Variants in SDCBP observed in about 807,000 individuals in gnomAD.
SDCBP encodes the protein syntenin-1.
Under a neutral mutation model 30.5 loss-of-function variants are expected in SDCBP, and 22 were observed. That is an observed-to-expected ratio of 0.72 (90% confidence interval 0.52 to 1.03). The LOEUF is 1.03. Ranked by LOEUF, SDCBP falls within the 50% of genes least tolerant of loss-of-function variation. The probability of loss-of-function intolerance (pLI) is 0.00; values close to 1 mark genes in which losing one functional copy is unlikely to be tolerated. For synonymous variants in SDCBP, 103 were observed against 118.7 expected (o/e 0.87, Z 0.86); for missense variants, 304 against 369.9 (o/e 0.82, Z 1.46).
chr8:58,578,365 T>TA (rs1585710926), intron 6 of SDCBP, 157 bp downstream of exon 6: 1 of 482,666 alleles, frequency 2.1e-6, no homozygotes, highest in Non-Finnish European at 3.6e-6. Context: ...AGATTTTTCT[T>TA]ACATTGTTTT....
In SDCBP at chr8:58,581,691, C is replaced by A; in HGVS notation, c.848C>A (p.Ala283Glu). The A allele has an allele frequency of 6.2e-7, 1 of 1,611,434 alleles. No homozygotes were observed. Among genetic ancestry groups the A allele is most frequent in the Non-Finnish European group, 8.5e-7 (1 of 1,177,836 alleles). The change falls in exon 9 of 9, where the codon GCA becomes GAA. Residue 283 changes from alanine (A) to glutamate (E), a missense_variant. Physicochemically the swap from Ala to Glu is moderately radical, Grantham distance 107. Coordinates refer to ENST00000260130, the MANE Select transcript of SDCBP (RefSeq NM_005625.4). The stretch of plus-strand genomic sequence containing the variant: ...TAAAAGTACCTCTCTTGTAGGATGG[C>A]ACCAAGCATTATGAAAAGCCTAATG... Reference protein sequence around the residue: ...FIFEHIIKRMAPSIMKSLMDH... With the variant: ...FIFEHIIKRMEPSIMKSLMDH...
In SDCBP at chr8:58,575,903, T is replaced by C; in HGVS notation, c.244T>C (p.Leu82=). ...ACATTGTATATGGTTTTGTCAGCAG[T>C]TGGTAGCAAGACCTTCCAGTATAAA... is the stretch of plus-strand genomic sequence containing the variant. ...VVSGAPLQGQ[L]VARPSSINYM... Residue 82 remains leucine, a synonymous_variant, in exon 5 of 9, where the codon TTG becomes CTG. Transcript: ENST00000260130. 1 of 1,610,606 alleles carries C rather than the reference T, an allele frequency of 6.2e-7. No individual in the cohort carries two copies. The highest frequency in any genetic ancestry group is 8.5e-7 in the Non-Finnish European group (1 of 1,177,680).
At chr8:58,557,155 T>C (rs1804172314) in intron 1 of SDCBP, among the ~76,000 whole-genome samples, 1 of 126,572 alleles carries the variant, frequency 7.9e-6, no homozygotes, top group Non-Finnish European at 1.5e-5. Context: ...TATTATAATA[T>C]ATAATTATAA....
At position 58,582,341 on chromosome 8, in the gene SDCBP, A is replaced by G. The variant is rs906762927; in HGVS notation, c.*601A>G. On this transcript the variant is annotated 3_prime_UTR_variant, in exon 9 of 9. Coordinates refer to ENST00000260130, the MANE Select transcript of SDCBP (RefSeq NM_005625.4). Reference sequence around the variant, plus strand: ...ATATGCTTGAACTGTCGCCTTAACTATGTTAAGCATCTAGACTAAAAGCCA... The same window carrying G: ...ATATGCTTGAACTGTCGCCTTAACTGTGTTAAGCATCTAGACTAAAAGCCA... The G allele has an allele frequency of 6.5e-5, 10 of 152,702 alleles. No homozygotes were observed. Among genetic ancestry groups the G allele is most frequent in the African/African-American group, 2.4e-4 (10 of 41,438 alleles). The allele number at this position is 152,702 out of a possible 1,614,324, so 9.5% of individuals were successfully genotyped here.
rs375215978 is a variant in SDCBP, at chr8:58,570,923, G to C, written c.88G>C (p.Ala30Pro). Reference protein sequence around the residue: ...TAFSANPANPAILSEASAPIP... With the variant: ...TAFSANPANPPILSEASAPIP... The stretch of plus-strand genomic sequence containing the variant: ...TTTTTCTGCAAACCCTGCCAATCCA[G>C]CAATTTTGTCAGAAGCTTCTGCTCC... Residue 30 changes from alanine (A) to proline (P), a missense_variant, in exon 3 of 9, where the codon GCA becomes CCA. Ala to Pro is a conservative substitution (Grantham distance 27). Transcript: ENST00000260130. 1 of 1,613,214 alleles carries C rather than the reference G, an allele frequency of 6.2e-7. No individual in the cohort carries two copies. Among genetic ancestry groups the C allele is most frequent in the Non-Finnish European group, 8.5e-7 (1 of 1,179,564 alleles).
chr8:58,575,860 G>A (rs768449869), intron 4 of SDCBP, 40 bp from the exon 5 acceptor site: 2 of 1,500,260 alleles, frequency 1.3e-6, no homozygotes, highest in East Asian at 2.3e-5. Context: ...TTCAAGGAGA[G>A]TGTTTCTAGA....
chr8:58,571,544 C>T (rs1415860876), intron 3 of SDCBP, among the ~76,000 whole-genome samples: 1 of 152,090 alleles, frequency 6.6e-6, no homozygotes, highest in Non-Finnish European at 1.5e-5. Flanking sequence ...TTTTGTCTTA[C>T]AACAGTTTAT....
At chr8:58,553,838 C>T (rs1030918830) in intron 1 of SDCBP, among the ~76,000 whole-genome samples, 9 of 152,196 alleles carry the variant, frequency 5.9e-5, no homozygotes, top group Admixed American at 3.9e-4. Flanking sequence ...TTGGGCGAAG[C>T]CTTGACTTTT....
chr8:58,561,725 T>TC (rs1282322697), intron 1 of SDCBP: 1 of 676,032 alleles, frequency 1.5e-6, no homozygotes, highest in South Asian at 1.6e-5. Flanking sequence ...AAAAGTATGT[T>TC]CAACATGAAA....
At chr8:58,554,587 A>G (rs1803996178) in intron 1 of SDCBP, among the ~76,000 whole-genome samples, 1 of 152,234 alleles carries the variant, frequency 6.6e-6, no homozygotes, top group Non-Finnish European at 1.5e-5. Flanking sequence ...TTTGGGCATT[A>G]TAGGAAAAGA....
intron 5 of SDCBP, chr8:58,576,402 C>T (rs1317349488): frequency 6.2e-6 from 1 of 160,024 alleles, no homozygotes; most frequent in African/African-American, 2.5e-5. Flanking sequence ...CAATGAGAGT[C>T]AATGTCAGTG....
intron 1 of SDCBP, among the ~76,000 whole-genome samples, chr8:58,555,767 A>G (rs774886887): frequency 6.9e-6 from 1 of 145,052 alleles, no homozygotes; most frequent in Non-Finnish European, 1.5e-5. Flanking sequence ...TTTTTTTTTT[A>G]GAGATGGAAT....
chr8:58,562,484 A>G (rs1196738152), intron 1 of SDCBP, among the ~76,000 whole-genome samples: 1 of 152,188 alleles, frequency 6.6e-6, no homozygotes, highest in East Asian at 1.9e-4. Context: ...TGGTACTGGT[A>G]TAAGGATAGA....
At chr8:58,576,220 G>T in intron 5 of SDCBP, 159 bp downstream of exon 5, 1 of 616,294 alleles carries the variant, frequency 1.6e-6, no homozygotes, top group African/African-American at 1.8e-5. Flanking sequence ...AATTGGGGAT[G>T]TTCTATTTTG....
At chr8:58,565,205 CT>C (rs977615219) in intron 2 of SDCBP, 121 bp downstream of exon 2, 10 of 443,660 alleles carry the variant, frequency 2.3e-5, no homozygotes, top group South Asian at 7.3e-5. Flanking sequence ...CTTCATAAAC[CT>C]TTTTTTAGTT....
At chr8:58,580,420 G>C in intron 7 of SDCBP, 97 bp from the exon 8 acceptor site, 1 of 663,310 alleles carries the variant, frequency 1.5e-6, no homozygotes, top group South Asian at 1.8e-5. Flanking sequence ...GAAATACCAA[G>C]ACATATATTT....
chr8:58,572,219 C>T lies in SDCBP; in HGVS notation c.145C>T (p.Leu49=). 6.3e-7 allele frequency: 1 copy of T among 1,599,738 alleles called. No individual in the cohort carries two copies. The highest frequency in any genetic ancestry group is 8.6e-7 in the Non-Finnish European group (1 of 1,168,578). ...IPHDGNLYPR[L]YPELSQYMGL... is the part of the protein sequence containing the mutation. The stretch of plus-strand genomic sequence containing the variant: ...TTACTTTTTAGATCTCTATCCCAGA[C>T]TGTATCCAGAGCTCTCTCAATACAT... The change falls in exon 4 of 9, where the codon CTG becomes TTG. Residue 49 remains leucine (L), a synonymous_variant. Coordinates refer to ENST00000260130, the MANE Select transcript of SDCBP (RefSeq NM_005625.4).
intron 3 of SDCBP, 110 bp downstream of exon 3, chr8:58,571,075 G>GT (rs1051163148): frequency 2.8e-6 from 2 of 711,832 alleles, no homozygotes; most frequent in Non-Finnish European, 4.8e-6. Context: ...AAAATTGGTA[G>GT]TTAAGCTCAA....
chr8:58,579,239 GC>G (rs11310459), intron 6 of SDCBP, among the ~76,000 whole-genome samples: 47,626 of 151,634 alleles, frequency 0.31, 7,612 homozygotes, highest in East Asian at 0.55. Flanking sequence ...AAATGATTTG[GC>G]TCTAGAAAAT....
Sources: gnomAD v4.1 joint callset for allele counts (sites outside exome capture counted in the v4.1 genomes callset) on GRCh38, gnomAD v4.1.1 for gene constraint, MANE v1.5 for transcripts, NCBI Gene and HGNC (gene_info 2026-07-23, HGNC 2026-07-21) for gene names.